SYNDIG1: variants seen among roughly 807,000 people sequenced by gnomAD.
The protein encoded by SYNDIG1 is synapse differentiation inducing 1, also known as synapse differentiation-inducing gene protein 1.
In SYNDIG1, 9 loss-of-function variants were observed where a neutral mutation model predicts 19.4. The observed-to-expected ratio is 0.46, with a 90% CI of 0.28 to 0.81. SYNDIG1 has a LOEUF of 0.81. Among genes scored for constraint, SYNDIG1 ranks in the 30% least tolerant of loss-of-function variants. The pLI, the probability that SYNDIG1 is intolerant of heterozygous loss-of-function variation, is 0.12. For synonymous variants in SYNDIG1, 141 were observed against 145.9 expected (o/e 0.97, Z 0.24); for missense variants, 311 against 343.3 (o/e 0.91, Z 0.74).
At chr20:24,508,662 T>C (rs1244863351) in intron 1 of SYNDIG1, among the ~76,000 whole-genome samples, 1 of 152,100 alleles carries the variant, frequency 6.6e-6, no homozygotes, top group African/African-American at 2.4e-5. Context: ...GCCTAGAAGT[T>C]GAAGATCAAA....
chr20:24,520,121 G>A (rs543013364), intron 1 of SYNDIG1, among the ~76,000 whole-genome samples: 100 of 152,092 alleles, frequency 6.6e-4, no homozygotes, highest in African/African-American at 2.2e-3. Flanking sequence ...GGAGTCCGAC[G>A]GGGCTTTTCC....
In SYNDIG1 at chr20:24,658,059, G is replaced by A. The variant is rs548274707; in HGVS notation, c.619-7287G>A. Among the ~76,000 whole-genome samples the A allele has an allele frequency of 1.6e-3, 249 of 152,278 alleles. 3 individuals carry two copies. Among genetic ancestry groups the A allele is most frequent in the African/African-American group, 5.9e-3 (244 of 41,548 alleles). On this transcript the variant is annotated intron_variant, in intron 3 of 3. Coordinates refer to ENST00000376862, the MANE Select transcript of SYNDIG1 (RefSeq NM_024893.3). This position sits in a 1 kb window ranked among gnomAD's most constrained non-coding sequence, Gnocchi z 4.4. ...CTGGCCCCGGTCCATGGATGACGGGGACTGTGGAAACAGCGACCTTGCCCC... is the reference window on the plus strand; with the variant it reads ...CTGGCCCCGGTCCATGGATGACGGGAACTGTGGAAACAGCGACCTTGCCCC...
At chr20:24,608,276 T>C (rs1044945789) in intron 3 of SYNDIG1, among the ~76,000 whole-genome samples, 26 of 152,096 alleles carry the variant, frequency 1.7e-4, no homozygotes, top group Admixed American at 7.9e-4. Flanking sequence ...CCTCCCGGGT[T>C]CTAGCGATTC....
At chr20:24,659,036 C>A (rs1043623474) in intron 3 of SYNDIG1, among the ~76,000 whole-genome samples, 2 of 152,056 alleles carry the variant, frequency 1.3e-5, no homozygotes, top group Non-Finnish European at 2.9e-5. Flanking sequence ...CCTCTCACCC[C>A]CCTCCTTTCC....
chr20:24,484,272 G>A (rs1160991101), intron 1 of SYNDIG1, among the ~76,000 whole-genome samples: 1 of 152,174 alleles, frequency 6.6e-6, no homozygotes, highest in Non-Finnish European at 1.5e-5. Context: ...TCTGGAGCCA[G>A]AAGAGTGGGG....
At chr20:24,556,335 T>A (rs2057816966) in intron 2 of SYNDIG1, among the ~76,000 whole-genome samples, 1 of 152,210 alleles carries the variant, frequency 6.6e-6, no homozygotes, top group African/African-American at 2.4e-5. Flanking sequence ...TGTGTGAAAT[T>A]GATCCTGTCA....
intron 2 of SYNDIG1, among the ~76,000 whole-genome samples, chr20:24,578,506 C>A (rs1197582164): frequency 6.6e-6 from 1 of 151,146 alleles, no homozygotes; most frequent in African/African-American, 2.4e-5. Flanking sequence ...AGAAAGTAGA[C>A]AAATCGGTAT....
chr20:24,564,450 G>A (rs1034052816), intron 2 of SYNDIG1, among the ~76,000 whole-genome samples: 2 of 152,124 alleles, frequency 1.3e-5, no homozygotes, highest in Non-Finnish European at 2.9e-5. Context: ...GGTAGTTTGG[G>A]GTGCATCACA....
At chr20:24,472,330 T>C (rs2055492761) in intron 1 of SYNDIG1, among the ~76,000 whole-genome samples, 1 of 152,240 alleles carries the variant, frequency 6.6e-6, no homozygotes, top group Non-Finnish European at 1.5e-5. Context: ...TGAGCCATGA[T>C]AGGCAAGAGA....
At chr20:24,598,909 G>T (rs977028691) in intron 3 of SYNDIG1, among the ~76,000 whole-genome samples, 1 of 151,998 alleles carries the variant, frequency 6.6e-6, no homozygotes, top group Admixed American at 6.6e-5. Context: ...TAGGGAAATC[G>T]CTCCTAGATA....
At chr20:24,536,102 C>T (rs545566820) in intron 1 of SYNDIG1, among the ~76,000 whole-genome samples, 1 of 152,278 alleles carries the variant, frequency 6.6e-6, no homozygotes, top group African/African-American at 2.4e-5. Flanking sequence ...GAGATCATGG[C>T]TGTGATGGGA....
At chr20:24,585,844 G>T (rs1430142920) in intron 3 of SYNDIG1, among the ~76,000 whole-genome samples, 2 of 152,244 alleles carry the variant, frequency 1.3e-5, no homozygotes, top group Non-Finnish European at 2.9e-5. Context: ...GCGCACCCAT[G>T]GGGTGTTCTC....
At chr20:24,519,769 C>A (rs1434923278) in intron 1 of SYNDIG1, among the ~76,000 whole-genome samples, 1 of 151,744 alleles carries the variant, frequency 6.6e-6, no homozygotes, top group Non-Finnish European at 1.5e-5. Flanking sequence ...TCTCTTTCTC[C>A]CTCCTTCTCC....
chr20:24,512,332 A>C (rs1169994085), intron 1 of SYNDIG1, among the ~76,000 whole-genome samples: 1 of 151,020 alleles, frequency 6.6e-6, no homozygotes, highest in Non-Finnish European at 1.5e-5. Context: ...GAGCCAAAGC[A>C]GGGCGAGGCA....
intron 2 of SYNDIG1, among the ~76,000 whole-genome samples, chr20:24,570,241 G>T (rs887223656): frequency 6.6e-6 from 1 of 152,154 alleles, no homozygotes; most frequent in Non-Finnish European, 1.5e-5. Context: ...CTAGGGTAAG[G>T]TGAAGAGTTC....
chr20:24,525,181 A>G (rs1489008741), intron 1 of SYNDIG1, among the ~76,000 whole-genome samples: 1 of 151,912 alleles, frequency 6.6e-6, no homozygotes, highest in Non-Finnish European at 1.5e-5. Context: ...TCGTTTCTAA[A>G]TGAACGTGGT....
intron 1 of SYNDIG1, among the ~76,000 whole-genome samples, chr20:24,486,280 C>A (rs2055954232): frequency 6.6e-6 from 1 of 152,170 alleles, no homozygotes; most frequent in African/African-American, 2.4e-5. Context: ...AGGTGGCAAC[C>A]CCCTTGCCTG....
chr20:24,645,462 C>A (rs187335692), intron 3 of SYNDIG1, among the ~76,000 whole-genome samples: 58 of 152,300 alleles, frequency 3.8e-4, no homozygotes, highest in Non-Finnish European at 8.8e-5. Flanking sequence ...ACAGCTGTGG[C>A]TGTGGCTCTC....
intron 2 of SYNDIG1, among the ~76,000 whole-genome samples, chr20:24,573,188 C>T (rs948062803): frequency 3.3e-5 from 5 of 152,194 alleles, no homozygotes; most frequent in African/African-American, 1.2e-4. Context: ...CAGAGGTACT[C>T]ATTTAGTAAC....
Sources: gnomAD v4.1 joint callset for allele counts (sites outside exome capture counted in the v4.1 genomes callset) on GRCh38, gnomAD v4.1.1 for gene constraint, Gnocchi (gnomAD v3.1) non-coding constraint, MANE v1.5 for transcripts, NCBI Gene and HGNC (gene_info 2026-07-23, HGNC 2026-07-21) for gene names.